Variants in EFR3A observed in about 807,000 individuals in gnomAD.
EFR3A encodes the protein protein EFR3 homolog A.
Under a neutral mutation model 104.4 loss-of-function variants are expected in EFR3A, and 76 were observed. The observed-to-expected ratio is 0.73, with a 90% CI of 0.60 to 0.88. The LOEUF is 0.88. Among genes scored for constraint, EFR3A ranks in the 40% least tolerant of loss-of-function variants. The pLI is 0.00. For synonymous variants in EFR3A, 330 were observed against 330.0 expected, an observed-to-expected ratio of 1.00 and a Z score of 0.00; for missense variants, 985 against 1,012.5, an observed-to-expected ratio of 0.97 and a Z score of 0.37.
chr8:131,936,874 C>T (rs1475391454), intron 1 of EFR3A, among the ~76,000 whole-genome samples: 1 of 152,102 alleles, frequency 6.6e-6, no homozygotes, highest in Non-Finnish European at 1.5e-5. Context: ...CATCCACACC[C>T]AGTCCTTTTC....
intron 22 of EFR3A, among the ~76,000 whole-genome samples, chr8:132,008,866 A>G (rs1330429267): frequency 6.7e-6 from 1 of 150,374 alleles, no homozygotes; most frequent in Non-Finnish European, 1.5e-5. Flanking sequence ...AAAAAAAAAA[A>G]AAAAAAAAGA....
At chr8:131,910,913 G>T (rs938381099) in intron 1 of EFR3A, among the ~76,000 whole-genome samples, 40 of 152,286 alleles carry the variant, frequency 2.6e-4, no homozygotes, top group African/African-American at 9.4e-4. Flanking sequence ...GAAATAAAGA[G>T]AAGGGCACAG....
intron 8 of EFR3A, among the ~76,000 whole-genome samples, chr8:131,960,705 T>C (rs1216037886): frequency 6.6e-6 from 1 of 152,188 alleles, no homozygotes; most frequent in Non-Finnish European, 1.5e-5. Context: ...TTTATATCCT[T>C]AAGGGTTTAC....
intron 8 of EFR3A, among the ~76,000 whole-genome samples, chr8:131,967,152 T>A (rs6471015): frequency 1.3e-5 from 2 of 152,146 alleles, no homozygotes; most frequent in African/African-American, 4.8e-5. Flanking sequence ...TTTGTGTGTG[T>A]CTTCCTGCCT....
chr8:132,011,705 G>GAT lies in EFR3A; in HGVS notation c.*817_*818dup, dbSNP rs1025409423. 2 of 152,870 alleles carry GAT rather than the reference G, an allele frequency of 1.3e-5. No homozygotes were observed. The highest frequency in any genetic ancestry group is 6.6e-5 in the Admixed American group (1 of 15,254). The allele number at this position is 152,870 out of a possible 1,614,324, so 9.5% of individuals were successfully genotyped here. On this transcript the variant is annotated 3_prime_UTR_variant, in exon 23 of 23. Coordinates refer to ENST00000254624, the MANE Select transcript of EFR3A (RefSeq NM_015137.6). ...TGCTGTGGCTCCATTAATTAAATGA[G>GAT]ATATATATTTAGTGCAGAAAAAAGA...
At chr8:131,979,302 A>AT (rs762953686) in intron 13 of EFR3A, 44 bp from the exon 14 acceptor site, 2 of 1,346,496 alleles carry the variant, frequency 1.5e-6, no homozygotes, top group South Asian at 2.6e-5. Flanking sequence ...GATATTGTAA[A>AT]TAAGTGTGCT....
chr8:131,948,368 G>C (rs1264972784), intron 4 of EFR3A, among the ~76,000 whole-genome samples: 11 of 152,130 alleles, frequency 7.2e-5, no homozygotes, highest in Admixed American at 7.2e-4. Context: ...TGTGTGACAT[G>C]AGTTGATATA....
chr8:131,994,591 A>G (rs926015688), intron 18 of EFR3A, among the ~76,000 whole-genome samples: 9 of 145,428 alleles, frequency 6.2e-5, no homozygotes, highest in East Asian at 5.8e-4. Context: ...AGAAAACTCT[A>G]TTGGTAGTAT....
chr8:131,969,227 C>T (rs1314248247), intron 9 of EFR3A, among the ~76,000 whole-genome samples: 1 of 152,040 alleles, frequency 6.6e-6, no homozygotes, highest in East Asian at 1.9e-4. Flanking sequence ...ATTAGAAATA[C>T]AGAAGTTTGA....
chr8:132,008,041 A>G (rs1178448517), intron 22 of EFR3A, among the ~76,000 whole-genome samples: 1 of 152,158 alleles, frequency 6.6e-6, no homozygotes, highest in Non-Finnish European at 1.5e-5. Context: ...TAAAATGAGC[A>G]AAAAGATTTC....
intron 10 of EFR3A, among the ~76,000 whole-genome samples, chr8:131,971,005 A>G (rs1181156910): frequency 6.6e-6 from 1 of 152,092 alleles, no homozygotes; most frequent in East Asian, 1.9e-4. Context: ...ATACACATGC[A>G]TATTTTTTTC....
intron 8 of EFR3A, among the ~76,000 whole-genome samples, chr8:131,963,619 C>A (rs906790155): frequency 8.5e-5 from 13 of 152,294 alleles, no homozygotes; most frequent in African/African-American, 3.1e-4. Context: ...CAGGTGGATT[C>A]ACAGCCGATT....
intron 18 of EFR3A, among the ~76,000 whole-genome samples, chr8:131,995,633 C>T (rs1248611286): frequency 6.6e-6 from 1 of 152,036 alleles, no homozygotes; most frequent in East Asian, 1.9e-4. Context: ...TTTGGAAGAC[C>T]GTGGAATTTT....
chr8:131,950,739 T>C (rs1472768850), intron 5 of EFR3A, among the ~76,000 whole-genome samples: 1 of 152,182 alleles, frequency 6.6e-6, no homozygotes, highest in Non-Finnish European at 1.5e-5. Context: ...TAGTACTTTT[T>C]GAGTGAATAA....
chr8:132,004,080 T>G (rs1821917417), intron 22 of EFR3A, among the ~76,000 whole-genome samples: 1 of 152,226 alleles, frequency 6.6e-6, no homozygotes, highest in Admixed American at 6.5e-5. Context: ...CTTTTTTGTT[T>G]CAGTCTTTTT....
chr8:131,944,390 G>A (rs968511556), intron 2 of EFR3A, among the ~76,000 whole-genome samples: 1 of 151,986 alleles, frequency 6.6e-6, no homozygotes, highest in Non-Finnish European at 1.5e-5. Flanking sequence ...AGTAAAACAG[G>A]CTTAATAACA....
rs576470079 is a variant in EFR3A, at chr8:132,009,320, T to C, written c.2361-1470T>C. Among the ~76,000 whole-genome samples, 280 of 152,234 alleles carry C rather than the reference T, an allele frequency of 1.8e-3. 2 individuals are homozygous for C. Among genetic ancestry groups the C allele is most frequent in the African/African-American group, 6.5e-3 (272 of 41,580 alleles). On this transcript the variant is annotated intron_variant, in intron 22 of 22. Coordinates refer to ENST00000254624, the MANE Select transcript of EFR3A (RefSeq NM_015137.6). ...TTCTTGAATAGGAAGTTAACATAGA[T>C]GTCAGTTTTCTGTAGATTAAGCTAT...
chr8:131,954,101 T>C (rs530707055), intron 6 of EFR3A, 134 bp downstream of exon 6: 6 of 889,480 alleles, frequency 6.7e-6, no homozygotes, highest in Non-Finnish European at 7.8e-6. Flanking sequence ...TTTAAAAATA[T>C]GTACCTTTCT....
chr8:131,934,081 A>G (rs1245018664), intron 1 of EFR3A, among the ~76,000 whole-genome samples: 2 of 152,162 alleles, frequency 1.3e-5, no homozygotes, highest in African/African-American at 4.8e-5. Flanking sequence ...TACTCCTCTA[A>G]TGGATTAAAA....
Sources: gnomAD v4.1 joint callset for allele counts (sites outside exome capture counted in the v4.1 genomes callset) on GRCh38, gnomAD v4.1.1 for gene constraint, MANE v1.5 for transcripts, NCBI Gene and HGNC (gene_info 2026-07-23, HGNC 2026-07-21) for gene names.